Variants in SMC1A observed in about 807,000 individuals in gnomAD.
SMC1A encodes the protein structural maintenance of chromosomes 1A, also known as structural maintenance of chromosomes protein 1A.
A neutral mutation model predicts 94.5 loss-of-function variants in SMC1A; 4 were observed. The ratio of observed to expected loss-of-function variants is 0.04; its 90% CI spans 0.02 to 0.10. The LOEUF is 0.10. Among genes scored for constraint, SMC1A ranks in the 10% least tolerant of loss-of-function variants. The pLI is 1.00. For synonymous variants in SMC1A, 345 were observed against 347.7 expected (o/e 0.99, Z 0.09); for missense variants, 304 against 989.0 (o/e 0.31, Z 9.29).
chrX:53,400,886 T>C (rs1054672025), intron 15 of SMC1A, among the ~76,000 whole-genome samples: 8 of 111,659 alleles, frequency 7.2e-5, no homozygotes, highest in African/African-American at 2.6e-4. Context: ...AGCTATGCAA[T>C]TTTATATCCA....
intron 9 of SMC1A, among the ~76,000 whole-genome samples, chrX:53,406,586 A>T (rs782339633): frequency 8.9e-6 from 1 of 112,033 alleles, no homozygotes; most frequent in African/African-American, 3.2e-5. Flanking sequence ...GATTGAATAG[A>T]AGCCTGCAAA....
chrX:53,408,952 C>T, intron 9 of SMC1A, 110 bp downstream of exon 9: 1 of 742,811 alleles, frequency 1.3e-6, no homozygotes, highest in South Asian at 2.2e-5. Context: ...AGCCTCATTT[C>T]CCCCAACAAT....
At chrX:53,419,496 C>G (rs1453394699) in intron 1 of SMC1A, among the ~76,000 whole-genome samples, 3 of 106,786 alleles carry the variant, frequency 2.8e-5, no homozygotes, top group Non-Finnish European at 5.8e-5. Flanking sequence ...CACTGTATGC[C>G]AGCCTTGGTG....
chrX:53,417,676 G>A (rs2075737684), intron 1 of SMC1A, among the ~76,000 whole-genome samples: 1 of 111,424 alleles, frequency 9.0e-6, no homozygotes, highest in African/African-American at 3.3e-5. Context: ...GACATTTGGG[G>A]AGCAAGTTAA....
chrX:53,402,818 G>A (rs1335899321), intron 15 of SMC1A, among the ~76,000 whole-genome samples: 4 of 81,042 alleles, frequency 4.9e-5, no homozygotes, highest in Non-Finnish European at 8.9e-5. Flanking sequence ...GCAGTGAGCC[G>A]AGATCATGCC....
intron 19 of SMC1A, among the ~76,000 whole-genome samples, chrX:53,390,441 T>C (rs1310121707): frequency 1.9e-5 from 2 of 107,652 alleles, no homozygotes; most frequent in Non-Finnish European, 3.9e-5. Context: ...TGAGCCAAGC[T>C]TGTGCCACTG....
chrX:53,384,411 G>A (rs2075596891), intron 19 of SMC1A, among the ~76,000 whole-genome samples: 1 of 109,549 alleles, frequency 9.1e-6, no homozygotes, highest in African/African-American at 3.3e-5. Flanking sequence ...CTACGGACAC[G>A]CACAACCATG....
rs1198815162 is a variant in SMC1A at position 53,405,368 on chromosome X, T to C, written c.1935A>G (p.Leu645=). 2.5e-6 allele frequency: 3 copies of C among 1,209,752 alleles called. No homozygotes were observed. The highest frequency in any genetic ancestry group is 3.5e-5 in the African/African-American group (2 of 57,215). The stretch of plus-strand genomic sequence containing the variant: ...CAGAGATCACTCCTGACTTCTGGAA[T>C]AGGGTTCCATCCAGTGCCACTGTCT... ...RHKTVALDGT[L]FQKSGVISGG... Residue 645 remains leucine (L), a synonymous_variant, in exon 12 of 25, where the codon CTA becomes CTG. Transcript: ENST00000322213.
intron 24 of SMC1A, 123 bp downstream of exon 24, chrX:53,380,497 G>T: frequency 1.9e-6 from 1 of 528,130 alleles, no homozygotes; most frequent in Non-Finnish European, 3.3e-6. Context: ...AAGCCCAAAT[G>T]GCCATTCAGG....
rs896230440 is a variant in SMC1A, at chrX:53,377,943, C to T, written c.*2160G>A. 4 of 111,870 alleles carry T rather than the reference C, an allele frequency of 3.6e-5. No individual in the cohort carries two copies. The highest frequency in any genetic ancestry group is 2.8e-4 in the East Asian group (1 of 3,606). 9.2% of individuals were successfully genotyped at this position (111,870 alleles called of 1,213,427 possible). A position where few individuals can be genotyped will look rare whatever the true frequency, so the allele number is the denominator to read the frequency against. On this transcript the variant is annotated 3_prime_UTR_variant, in exon 25 of 25. Coordinates refer to ENST00000322213, the MANE Select transcript of SMC1A (RefSeq NM_006306.4). Reference sequence around the variant, plus strand: ...ATGGCACACAGTACCACCAGTGGTACGTGACTTCTTTGGTTGAAAACAGAC... The same window carrying T: ...ATGGCACACAGTACCACCAGTGGTATGTGACTTCTTTGGTTGAAAACAGAC...
chrX:53,391,962 G>A (rs782530596), intron 19 of SMC1A, among the ~76,000 whole-genome samples: 31 of 110,373 alleles, frequency 2.8e-4, no homozygotes, highest in Non-Finnish European at 4.2e-4. Context: ...ACAAGTAGGC[G>A]TGACAAGAGT....
intron 19 of SMC1A, 40 bp downstream of exon 19, chrX:53,394,738 C>CCA: frequency 1.2e-5 from 6 of 503,394 alleles, no homozygotes; most frequent in Admixed American, 8.7e-5. Context: ...CACTCCCACC[C>CCA]AACCCCCACC....
intron 19 of SMC1A, among the ~76,000 whole-genome samples, chrX:53,389,853 T>C (rs1464447064): frequency 4.5e-5 from 4 of 89,566 alleles, no homozygotes; most frequent in Non-Finnish European, 9.0e-5. Flanking sequence ...TTTTTTTTTT[T>C]TTTTTTTTTT....
chrX:53,409,182 C>T lies in SMC1A; in HGVS notation c.1425G>A (p.Lys475=), dbSNP rs2075702025. ...MAKRRIDEIN[K]ELNQVMEQLG... is the part of the protein sequence containing the mutation. ...GCTGCTCCATCACCTGGTTCAGCTC[C>T]TTATTGATTTCATCAATACGCCGCT... Residue 475 remains lysine (K), a synonymous_variant, in exon 9 of 25, where the codon AAG becomes AAA. Transcript: ENST00000322213. 2.5e-6 allele frequency: 3 copies of T among 1,211,702 alleles called. No homozygotes were observed.
At chrX:53,417,268 G>A (rs938365735) in intron 1 of SMC1A, among the ~76,000 whole-genome samples, 2 of 110,847 alleles carry the variant, frequency 1.8e-5, no homozygotes, top group Non-Finnish European at 3.8e-5. Context: ...AAGAAAGGGT[G>A]AGCCGGGCAC....
intron 20 of SMC1A, 133 bp downstream of exon 20, chrX:53,382,964 C>T: frequency 3.0e-6 from 2 of 676,267 alleles, no homozygotes; most frequent in Non-Finnish European, 4.5e-6. Context: ...ATAACCCCTA[C>T]TGTTTAGGGC....
chrX:53,410,738 T>C (rs1229436068), intron 7 of SMC1A, among the ~76,000 whole-genome samples: 1 of 103,344 alleles, frequency 9.7e-6, no homozygotes, highest in East Asian at 3.0e-4. Context: ...GAGACAGAGG[T>C]TGTAGTGAGC....
intron 19 of SMC1A, among the ~76,000 whole-genome samples, chrX:53,389,763 T>C (rs1044623950): frequency 9.1e-6 from 1 of 109,901 alleles, no homozygotes; most frequent in African/African-American, 3.3e-5. Context: ...GTAATGGTTC[T>C]AATTATTTTT....
chrX:53,386,282 G>C (rs1413526168), intron 19 of SMC1A, among the ~76,000 whole-genome samples: 2 of 110,636 alleles, frequency 1.8e-5, no homozygotes, highest in African/African-American at 6.6e-5. Context: ...ATGAATAAAA[G>C]GTAAAGGGAT....
Sources: allele counts gnomAD v4.1 joint callset (sites outside exome capture counted in the v4.1 genomes callset), GRCh38; gene constraint gnomAD v4.1.1; transcripts MANE v1.5; gene names NCBI Gene and HGNC (gene_info 2026-07-23, HGNC 2026-07-21).